The following PLCG2 variants were observed in gnomAD, a reference collection of about 807,000 sequenced individuals.
The protein encoded by PLCG2 is 1-phosphatidylinositol 4,5-bisphosphate phosphodiesterase gamma-2.
Under a neutral mutation model 175.6 loss-of-function variants are expected in PLCG2, and 69 were observed. The ratio of observed to expected loss-of-function variants is 0.39; its 90% CI spans 0.32 to 0.48. The LOEUF is 0.48. PLCG2 is among the 20% of genes least tolerant of loss of function. The pLI is 0.91. For synonymous variants in PLCG2, 827 were observed against 624.0 expected, an observed-to-expected ratio of 1.33 and a Z score of -4.85; for missense variants, 1,798 against 1,650.9, an observed-to-expected ratio of 1.09 and a Z score of -1.54.
chr16:81,798,729 G>A (rs1432047562), intron 2 of PLCG2: 1 of 152,322 alleles, frequency 6.6e-6, no homozygotes, highest in Non-Finnish European at 1.5e-5. Context: ...TTGTAGAATG[G>A]AAACTAGCAA....
intron 12 of PLCG2, among the ~76,000 whole-genome samples, chr16:81,894,164 C>T (rs1232747458): frequency 6.6e-6 from 1 of 152,062 alleles, no homozygotes; most frequent in Non-Finnish European, 1.5e-5. Context: ...TATGGTGGCT[C>T]ATGCCTGTAA....
chr16:81,829,438 G>C (rs746333713), intron 2 of PLCG2, among the ~76,000 whole-genome samples: 1 of 152,108 alleles, frequency 6.6e-6, no homozygotes, highest in Non-Finnish European at 1.5e-5. Flanking sequence ...GGCTAGTCTC[G>C]AACTCCTAAG....
chr16:81,865,823 C>T (rs1322004296), intron 5 of PLCG2, among the ~76,000 whole-genome samples: 49 of 128,270 alleles, frequency 3.8e-4, no homozygotes, highest in Admixed American at 1.0e-3. Flanking sequence ...CATGAGAGGA[C>T]GCTGGCCTCT....
chr16:81,818,035 C>T (rs1443802827), intron 2 of PLCG2, among the ~76,000 whole-genome samples: 1 of 152,232 alleles, frequency 6.6e-6, no homozygotes, highest in Non-Finnish European at 1.5e-5. Context: ...TCCTTCCTTT[C>T]ATGTGGCCTG....
intron 30 of PLCG2, among the ~76,000 whole-genome samples, chr16:81,943,628 C>T (rs186070156): frequency 6.6e-6 from 1 of 152,156 alleles, no homozygotes; most frequent in Non-Finnish European, 1.5e-5. Context: ...GGCCTCACCC[C>T]AGACTTCCCA....
chr16:81,741,070 C>T (rs1444274372), intron 1 of PLCG2, among the ~76,000 whole-genome samples: 2 of 152,220 alleles, frequency 1.3e-5, no homozygotes, highest in Admixed American at 6.5e-5. Context: ...CATAGACCAG[C>T]GCTCTTGGCC....
At chr16:81,904,820 G>A (rs1909296909) in intron 14 of PLCG2, among the ~76,000 whole-genome samples, 1 of 152,230 alleles carries the variant, frequency 6.6e-6, no homozygotes, top group African/African-American at 2.4e-5. Flanking sequence ...GGCTAGACAA[G>A]TGAGAGGAAT....
At chr16:81,923,892 C>T (rs1910158088) in intron 22 of PLCG2, among the ~76,000 whole-genome samples, 3 of 152,230 alleles carry the variant, frequency 2.0e-5, no homozygotes, top group Non-Finnish European at 1.5e-5. Context: ...CTGCTAATTG[C>T]TTTCCATGCA....
chr16:81,879,767 A>G (rs563640553), intron 7 of PLCG2, among the ~76,000 whole-genome samples: 17 of 152,290 alleles, frequency 1.1e-4, no homozygotes, highest in African/African-American at 3.6e-4. Flanking sequence ...GTGCCTGTGT[A>G]CAATGCACAG....
intron 2 of PLCG2, among the ~76,000 whole-genome samples, chr16:81,837,889 G>T (rs896108520): frequency 6.6e-6 from 1 of 152,012 alleles, no homozygotes; most frequent in African/African-American, 2.4e-5. Flanking sequence ...AACATTCATA[G>T]AACCCACTAC....
chr16:81,934,199 G>C (rs1910616216), intron 25 of PLCG2, among the ~76,000 whole-genome samples: 1 of 152,190 alleles, frequency 6.6e-6, no homozygotes, highest in African/African-American at 2.4e-5. Flanking sequence ...CTGTGGCCAG[G>C]ACTGAGCTGC....
intron 1 of PLCG2, among the ~76,000 whole-genome samples, chr16:81,751,744 G>A (rs1909816384): frequency 1.3e-5 from 2 of 152,164 alleles, no homozygotes; most frequent in South Asian, 2.1e-4. Flanking sequence ...AAAAGAGTCC[G>A]GGTGCAGTGG....
intron 7 of PLCG2, among the ~76,000 whole-genome samples, chr16:81,872,240 A>C (rs1423637639): frequency 6.6e-6 from 1 of 152,180 alleles, no homozygotes; most frequent in Non-Finnish European, 1.5e-5. Flanking sequence ...AGGCAGGAGA[A>C]TCACTTGAAC....
chr16:81,859,309 T>C (rs955586507), intron 5 of PLCG2, 146 bp downstream of exon 5: 1 of 595,012 alleles, frequency 1.7e-6, no homozygotes, highest in African/African-American at 1.9e-5. Context: ...TGTTGGGTCC[T>C]GGGGTTGAGG....
intron 31 of PLCG2, among the ~76,000 whole-genome samples, chr16:81,954,600 C>T (rs1264687787): frequency 6.6e-6 from 1 of 152,208 alleles, no homozygotes; most frequent in African/African-American, 2.4e-5. Flanking sequence ...GTTTTCCATT[C>T]CTGTGTTAGT....
intron 2 of PLCG2, among the ~76,000 whole-genome samples, chr16:81,809,244 T>G (rs1904297806): frequency 6.6e-6 from 1 of 152,126 alleles, no homozygotes; most frequent in Admixed American, 6.5e-5. Flanking sequence ...TGACTATGCC[T>G]GAGGGCTTCT....
chr16:81,867,953 C>T (rs1056489700), intron 5 of PLCG2, among the ~76,000 whole-genome samples: 1 of 152,222 alleles, frequency 6.6e-6, no homozygotes, highest in Non-Finnish European at 1.5e-5. Context: ...CCCGCCTCAG[C>T]CTCCCAAAGT....
chr16:81,925,545 A>G (rs570018982), intron 22 of PLCG2, among the ~76,000 whole-genome samples: 1 of 152,300 alleles, frequency 6.6e-6, no homozygotes, highest in South Asian at 2.1e-4. Flanking sequence ...TTCAGACCAA[A>G]AAATTGTTAA....
At chr16:81,934,166 C>T (rs1910615180) in intron 25 of PLCG2, among the ~76,000 whole-genome samples, 8 of 152,174 alleles carry the variant, frequency 5.3e-5, no homozygotes, top group Admixed American at 5.2e-4. Context: ...CCCTTCCATC[C>T]TGACCTCACC....
Sources: gnomAD v4.1 joint callset for allele counts (sites outside exome capture counted in the v4.1 genomes callset) on GRCh38, gnomAD v4.1.1 for gene constraint, MANE v1.5 for transcripts, NCBI Gene and HGNC (gene_info 2026-07-23, HGNC 2026-07-21) for gene names.